The following SNX29 variants were observed in gnomAD, a reference collection of about 807,000 sequenced individuals.
The protein encoded by SNX29 is sorting nexin-29.
A neutral mutation model predicts 102.1 loss-of-function variants in SNX29; 78 were observed. That is an observed-to-expected ratio of 0.76 (90% CI 0.64 to 0.92). The LOEUF (loss-of-function observed/expected upper bound fraction) is 0.92, where lower values mean the gene tolerates loss of function less well. Among genes scored for constraint, SNX29 ranks in the 40% least tolerant of loss-of-function variants. SNX29 has a pLI of 0.00. For synonymous variants in SNX29, 580 were observed against 414.5 expected, an observed-to-expected ratio of 1.40 and a Z score of -4.85; for missense variants, 1,280 against 1,061.7, an observed-to-expected ratio of 1.21 and a Z score of -2.86.
intron 18 of SNX29, among the ~76,000 whole-genome samples, chr16:12,437,179 A>G (rs11075073): frequency 0.53 from 80,713 of 151,790 alleles, 21,624 homozygotes; most frequent in South Asian, 0.71. Flanking sequence ...GGTAGCCCAA[A>G]TGAATGTGGT....
At position 12,328,636 on chromosome 16, in the gene SNX29, C is replaced by G. The variant is rs560588628; in HGVS notation, c.1783-27527C>G. 4.1e-4 allele frequency among the ~76,000 whole-genome samples: 63 copies of G among 152,178 alleles called. 1 individual carries two copies. Among genetic ancestry groups the G allele is most frequent in the Non-Finnish European group, 1.5e-4 (10 of 68,028 alleles). ...GTCAGCTCCACTGTCTTACCACATT[C>G]AAACCTTTCTTGGAAAAGAATCGTT... On this transcript the variant is annotated intron_variant, in intron 15 of 20. Coordinates refer to ENST00000566228, the MANE Select transcript of SNX29 (RefSeq NM_032167.5).
At chr16:12,133,012 G>A (rs1051334316) in intron 13 of SNX29, among the ~76,000 whole-genome samples, 49 of 152,266 alleles carry the variant, frequency 3.2e-4, no homozygotes, top group African/African-American at 9.1e-4. Flanking sequence ...TTGTTGCCTG[G>A]GGGTGGGGAT....
At chr16:12,110,487 G>A (rs1344339931) in intron 11 of SNX29, among the ~76,000 whole-genome samples, 2 of 152,140 alleles carry the variant, frequency 1.3e-5, no homozygotes, top group Non-Finnish European at 2.9e-5. Context: ...CAGCTTTTAG[G>A]GCCACCTTTT....
At position 11,980,657 on chromosome 16, in the gene SNX29, ACCTTC is replaced by A. The variant is rs373707003; in HGVS notation, c.7+3847_7+3851del. ...GCATATGAGGGTTCTGTTTCTCCAC[ACCTTC>A]CCCAAGAGTCTTTTTAATCATAGAC... On this transcript the variant is annotated intron_variant, in intron 1 of 20. Transcript: ENST00000566228. Among the ~76,000 whole-genome samples, 22 of 152,186 alleles carry A rather than the reference ACCTTC, an allele frequency of 1.4e-4. No individual in the cohort carries two copies. The East Asian group carries it at 4.2e-3, about 29-fold the overall frequency.
chr16:12,563,012 C>A (rs75463789), intron 20 of SNX29, among the ~76,000 whole-genome samples: 39,522 of 151,834 alleles, frequency 0.26, 5,707 homozygotes, highest in East Asian at 0.44. Flanking sequence ...ATGCGCCTTT[C>A]AAACCGTGTT....
intron 19 of SNX29, among the ~76,000 whole-genome samples, chr16:12,487,013 CT>C (rs1245128433): frequency 6.6e-6 from 1 of 152,196 alleles, no homozygotes; most frequent in African/African-American, 2.4e-5. Flanking sequence ...ATCCTTAAGG[CT>C]GTACTATCTG....
chr16:12,335,277 G>T (rs756870832), intron 15 of SNX29, among the ~76,000 whole-genome samples: 2 of 152,096 alleles, frequency 1.3e-5, no homozygotes, highest in Non-Finnish European at 2.9e-5. Context: ...ACTTGGAAAA[G>T]ATTCTTTAAT....
At chr16:12,169,517 A>C (rs2076095562) in intron 13 of SNX29, among the ~76,000 whole-genome samples, 1 of 152,100 alleles carries the variant, frequency 6.6e-6, no homozygotes, top group African/African-American at 2.4e-5. Context: ...GTCTTCGGGC[A>C]AGGCAACATG....
intron 15 of SNX29, among the ~76,000 whole-genome samples, chr16:12,344,933 C>T (rs2081745729): frequency 6.6e-6 from 1 of 152,246 alleles, no homozygotes; most frequent in African/African-American, 2.4e-5. Context: ...TTTTCACAGG[C>T]CTAGCCGAGC....
chr16:12,231,641 G>C (rs963012777), intron 14 of SNX29, among the ~76,000 whole-genome samples: 5 of 152,182 alleles, frequency 3.3e-5, no homozygotes, highest in Non-Finnish European at 7.3e-5. Flanking sequence ...TAGTTATTTT[G>C]GAGGATGTGG....
chr16:12,187,752 TG>T (rs5815671), intron 13 of SNX29, among the ~76,000 whole-genome samples: 99,348 of 151,756 alleles, frequency 0.65, 34,011 homozygotes, highest in Non-Finnish European at 0.75. Flanking sequence ...GTGGTACTGT[TG>T]GCATTCACTC....
intron 13 of SNX29, among the ~76,000 whole-genome samples, chr16:12,157,601 C>T (rs766825682): frequency 2.0e-5 from 3 of 152,048 alleles, no homozygotes; most frequent in Non-Finnish European, 2.9e-5. Context: ...GCCTTTGAAA[C>T]GTGGTTATGA....
At chr16:12,548,283 G>T (rs759805650) in intron 20 of SNX29, among the ~76,000 whole-genome samples, 4 of 152,198 alleles carry the variant, frequency 2.6e-5, no homozygotes, top group Non-Finnish European at 5.9e-5. Flanking sequence ...TGACTGGGAA[G>T]GCTGGAAGCT....
rs1296311838 is a variant in SNX29 at position 12,574,039 on chromosome 16, T to C, written c.*5410T>C. Reference sequence around the variant, plus strand: ...AGCAGGCCACATATCTAGAGTCTGATAGTCTGTGTGTACATAAGGTCTAGA... The same window carrying C: ...AGCAGGCCACATATCTAGAGTCTGACAGTCTGTGTGTACATAAGGTCTAGA... On this transcript the variant is annotated 3_prime_UTR_variant, in exon 21 of 21. Coordinates refer to ENST00000566228, the MANE Select transcript of SNX29 (RefSeq NM_032167.5). 7 of 194,928 alleles carry C rather than the reference T, an allele frequency of 3.6e-5. No homozygotes were observed. The highest frequency in any genetic ancestry group is 6.4e-5 in the Non-Finnish European group (6 of 93,786). 12.1% of individuals were successfully genotyped at this position (194,928 alleles called of 1,614,324 possible).
chr16:12,316,609 C>A (rs567192828), intron 15 of SNX29, among the ~76,000 whole-genome samples: 1 of 152,288 alleles, frequency 6.6e-6, no homozygotes, highest in South Asian at 2.1e-4. Flanking sequence ...CCTCAGGGGC[C>A]TCCCTCCCAC....
intron 3 of SNX29, among the ~76,000 whole-genome samples, chr16:12,013,500 A>AAATAT: frequency 1.9e-4 from 6 of 31,626 alleles, no homozygotes; most frequent in South Asian, 1.4e-3. Flanking sequence ...AAAAAAAAAA[A>AAATAT]ATATATATAT....
intron 18 of SNX29, among the ~76,000 whole-genome samples, chr16:12,414,882 C>T (rs568632503): frequency 6.6e-5 from 10 of 152,200 alleles, no homozygotes; most frequent in East Asian, 3.9e-4. Flanking sequence ...CCAGCATGCC[C>T]GGCTAATTTT....
chr16:12,073,914 A>G (rs2051421349), intron 10 of SNX29, among the ~76,000 whole-genome samples: 1 of 151,878 alleles, frequency 6.6e-6, no homozygotes, highest in Non-Finnish European at 1.5e-5. Context: ...TCCCTTTACC[A>G]TTATGTAATG....
At chr16:12,113,894 C>G (rs1268340322) in intron 11 of SNX29, among the ~76,000 whole-genome samples, 1 of 152,204 alleles carries the variant, frequency 6.6e-6, no homozygotes, top group Non-Finnish European at 1.5e-5. Flanking sequence ...CCTGATGAAT[C>G]ACAGCATCTG....
Sources: gnomAD v4.1 joint callset for allele counts (sites outside exome capture counted in the v4.1 genomes callset) on GRCh38, gnomAD v4.1.1 for gene constraint, MANE v1.5 for transcripts, NCBI Gene and HGNC (gene_info 2026-07-23, HGNC 2026-07-21) for gene names.